CYTH4: variants seen among roughly 807,000 people sequenced by gnomAD.
The protein encoded by CYTH4 is cytohesin 4.
CYTH4 carries 22 observed loss-of-function variants against 57.5 expected under a neutral mutation model. The ratio of observed to expected loss-of-function variants is 0.38; its 90% CI spans 0.27 to 0.55. The LOEUF is 0.55. CYTH4 is among the 20% of genes least tolerant of loss of function. The probability of loss-of-function intolerance (pLI) is 0.74; values close to 1 mark genes in which losing one functional copy is unlikely to be tolerated. For synonymous variants in CYTH4, 186 were observed against 206.5 expected, an observed-to-expected ratio of 0.90 and a Z score of 0.85; for missense variants, 420 against 535.6, an observed-to-expected ratio of 0.78 and a Z score of 2.13.
At chr22:37,285,687 G>C (rs1001966571) in intron 1 of CYTH4, among the ~76,000 whole-genome samples, 4 of 152,060 alleles carry the variant, frequency 2.6e-5, no homozygotes, top group African/African-American at 7.3e-5. Flanking sequence ...CTCCAGCCTG[G>C]GTAACAGACA....
chr22:37,285,570 G>T (rs1024881128), intron 1 of CYTH4, among the ~76,000 whole-genome samples: 7 of 151,982 alleles, frequency 4.6e-5, no homozygotes, highest in Non-Finnish European at 8.8e-5. Context: ...AATTAGCCGG[G>T]CCTGGTGGTG....
rs1374089226 is a variant in CYTH4 at position 37,297,590 on chromosome 22, G to A, written c.261G>A (p.Lys87=). The change falls in exon 5 of 13, where the codon AAG becomes AAA. Residue 87 remains lysine, a synonymous_variant. Transcript: ENST00000248901. ...AKGIQYFIEH[K]LLTPDVQDIA... is the part of the protein sequence containing the mutation. ...GTATCCAGTATTTCATTGAGCACAA[G>A]CTGCTGACCCCTGACGTCCAGGACA... 1 of 1,613,868 alleles carries A rather than the reference G, an allele frequency of 6.2e-7. No homozygotes were observed. The highest frequency in any genetic ancestry group is 1.7e-5 in the Admixed American group (1 of 60,002).
At chr22:37,282,639 A>G in intron 1 of CYTH4, 51 bp downstream of exon 1, 4 of 1,501,764 alleles carry the variant, frequency 2.7e-6, no homozygotes, top group Non-Finnish European at 3.6e-6. Flanking sequence ...CTCTTTTAGA[A>G]TGGGACAGCA....
At position 37,313,594 on chromosome 22, in the gene CYTH4, T is replaced by C; in HGVS notation, c.*83T>C. The C allele has an allele frequency of 1.6e-6, 2 of 1,243,814 alleles. No homozygotes were observed. The highest frequency in any genetic ancestry group is 2.5e-5 in the South Asian group (2 of 81,610). 77.0% of individuals were successfully genotyped at this position (1,243,814 alleles called of 1,614,324 possible). ...CCTGGAGACCCACCTCCCACCCCAGTGCACTCTTTTGGGCCACAGACATCA... is the reference window on the plus strand; with the variant it reads ...CCTGGAGACCCACCTCCCACCCCAGCGCACTCTTTTGGGCCACAGACATCA... On this transcript the variant is annotated 3_prime_UTR_variant, in exon 13 of 13. Transcript: ENST00000248901.
At chr22:37,282,788 C>T (rs532719325) in intron 1 of CYTH4, among the ~76,000 whole-genome samples, 200 bp downstream of exon 1, 8 of 152,192 alleles carry the variant, frequency 5.3e-5, no homozygotes, top group Non-Finnish European at 7.3e-5. Flanking sequence ...GCAAAGCAGA[C>T]GCTGTTTCCC....
At position 37,285,703 on chromosome 22, in the gene CYTH4, A is replaced by G. The variant is rs113443003; in HGVS notation, c.19+3115A>G. ...TCCAGCCTGGGTAACAGACAGAGAC[A>G]TCGTCTCAAACAAACAAACAAACAA... is the stretch of plus-strand genomic sequence containing the variant. On this transcript the variant is annotated intron_variant, in intron 1 of 12. Coordinates refer to ENST00000248901, the MANE Select transcript of CYTH4 (RefSeq NM_013385.5). 3.6e-3 allele frequency among the ~76,000 whole-genome samples: 552 copies of G among 151,862 alleles called. 4 individuals are homozygous for G. Among genetic ancestry groups the G allele is most frequent in the African/African-American group, 0.013 (532 of 41,166 alleles).
At chr22:37,294,821 G>C (rs1374550284) in intron 3 of CYTH4, 97 bp downstream of exon 3, 1 of 1,435,304 alleles carries the variant, frequency 7.0e-7, no homozygotes, top group African/African-American at 1.4e-5. Flanking sequence ...CAGCCCCCTG[G>C]ACCTGGTGAA....
chr22:37,313,451 C>T lies in CYTH4; in HGVS notation c.1125C>T (p.Thr375=). Reference sequence around the variant, plus strand: ...CCACTCATTCTAGAGCCAGCATCACCCGTGTCCCCTTCTACGACCTGGTCT... The same window carrying T: ...CCACTCATTCTAGAGCCAGCATCACTCGTGTCCCCTTCTACGACCTGGTCT... The part of the protein sequence containing the change: ...QWIESIRASI[T]RVPFYDLVST... Residue 375 remains threonine, a synonymous_variant, in exon 13 of 13, where the codon ACC becomes ACT. Coordinates refer to ENST00000248901, the MANE Select transcript of CYTH4 (RefSeq NM_013385.5). 1.2e-6 allele frequency: 2 copies of T among 1,614,164 alleles called. No homozygotes were observed. The highest frequency in any genetic ancestry group is 1.7e-6 in the Non-Finnish European group (2 of 1,179,990).
At chr22:37,290,475 A>AGG (rs1928710621) in intron 1 of CYTH4, among the ~76,000 whole-genome samples, 1 of 152,074 alleles carries the variant, frequency 6.6e-6, no homozygotes, top group African/African-American at 2.4e-5. Flanking sequence ...TCCTGAAACC[A>AGG]GGCAAGGGGT....
rs569017693 is a variant in CYTH4 at position 37,311,321 on chromosome 22, T to C, written c.886-135T>C. 9.2e-5 allele frequency: 76 copies of C among 823,062 alleles called. 1 individual carries two copies. In the South Asian group the frequency reaches 1.1e-3, roughly 12 times the overall value. The allele number at this position is 823,062 out of a possible 1,614,324, so 51.0% of individuals were successfully genotyped here. The stretch of plus-strand genomic sequence containing the variant: ...CTTCACATGCTGCTTCTAACTTCCG[T>C]CCCCCTATGACTGGACAGTCTCGGA... On this transcript the variant is annotated intron_variant, in intron 10 of 12. Transcript: ENST00000248901. The surrounding 1 kb of genome is among the most constrained non-coding windows in gnomAD (Gnocchi z 4.4).
chr22:37,290,491 G>GT lies in CYTH4; in HGVS notation c.20-2123dup, dbSNP rs199868807. 6.1e-3 allele frequency among the ~76,000 whole-genome samples: 931 copies of GT among 152,028 alleles called. 10 individuals carry two copies. Among genetic ancestry groups the GT allele is most frequent in the African/African-American group, 0.022 (900 of 41,478 alleles). On this transcript the variant is annotated intron_variant, in intron 1 of 12. Coordinates refer to ENST00000248901, the MANE Select transcript of CYTH4 (RefSeq NM_013385.5). ...CCTGAAACCAGGCAAGGGGTCTTGG[G>GT]TTTTTTTGTTTGTTTTGTTTTGTTT... is the stretch of plus-strand genomic sequence containing the variant.
intron 1 of CYTH4, among the ~76,000 whole-genome samples, chr22:37,288,169 C>T (rs976995805): frequency 6.6e-6 from 1 of 152,148 alleles, no homozygotes; most frequent in African/African-American, 2.4e-5. Flanking sequence ...AATCTCAGCA[C>T]TTTGGGAGGC....
chr22:37,299,043 G>C (rs1342722761), intron 5 of CYTH4, among the ~76,000 whole-genome samples, 183 bp from the exon 6 acceptor site: 1 of 152,152 alleles, frequency 6.6e-6, no homozygotes, highest in Non-Finnish European at 1.5e-5. Context: ...CTGCATGGGA[G>C]GACAAGGGTG....
At chr22:37,304,019 A>G (rs1929300170) in intron 8 of CYTH4, among the ~76,000 whole-genome samples, 1 of 152,172 alleles carries the variant, frequency 6.6e-6, no homozygotes, top group Non-Finnish European at 1.5e-5. Context: ...TGTGAATCAC[A>G]AGGCTGCATG....
chr22:37,288,819 T>C (rs1928646549), intron 1 of CYTH4, among the ~76,000 whole-genome samples: 2 of 152,208 alleles, frequency 1.3e-5, no homozygotes, highest in South Asian at 4.1e-4. Context: ...GCCCCATGGC[T>C]CCATTCCATC....
intron 1 of CYTH4, among the ~76,000 whole-genome samples, chr22:37,284,705 G>A (rs906067943): frequency 6.6e-6 from 1 of 152,036 alleles, no homozygotes; most frequent in Admixed American, 6.6e-5. Flanking sequence ...TCCTTCTATG[G>A]GCCTCAGTTT....
rs1254605854 is a variant in CYTH4, at chr22:37,313,446, A to G, written c.1120A>G (p.Ile374Val). ...TCCTCCCACTCATTCTAGAGCCAGC[A>G]TCACCCGTGTCCCCTTCTACGACCT... ...DQWIESIRAS[I>V]TRVPFYDLVS... Residue 374 changes from isoleucine (I) to valine (V), a missense_variant, in exon 13 of 13, where the codon ATC (isoleucine) becomes GTC (valine). By Grantham distance (29) the Ile-to-Val change is conservative. Coordinates refer to ENST00000248901, the MANE Select transcript of CYTH4 (RefSeq NM_013385.5). 6 of 1,613,986 alleles carry G rather than the reference A, an allele frequency of 3.7e-6. No homozygotes were observed. The African/African-American group carries it at 6.7e-5, about 18-fold the overall frequency.
In CYTH4 at chr22:37,289,175, G is replaced by A. The variant is rs1031111380; in HGVS notation, c.20-3446G>A. 5.3e-5 allele frequency among the ~76,000 whole-genome samples: 8 copies of A among 152,288 alleles called. No homozygotes were observed. In the South Asian group the frequency reaches 1.0e-3, roughly 20 times the overall value. On this transcript the variant is annotated intron_variant, in intron 1 of 12. Transcript: ENST00000248901. ...CTGTTGCTGGCAGAGTGGACATTCC[G>A]CTCCCACGGGGTCATCCACCTGCCT... is the stretch of plus-strand genomic sequence containing the variant.
chr22:37,285,350 T>TGTGGTG (rs147807027), intron 1 of CYTH4, among the ~76,000 whole-genome samples: 92 of 151,496 alleles, frequency 6.1e-4, no homozygotes, highest in African/African-American at 2.1e-3. Flanking sequence ...AAACGGGGTG[T>TGTGGTG]GTGGTGGTGG....
Sources: allele counts gnomAD v4.1 joint callset (sites outside exome capture counted in the v4.1 genomes callset), GRCh38; gene constraint gnomAD v4.1.1; non-coding constraint Gnocchi (gnomAD v3.1); transcripts MANE v1.5; gene names NCBI Gene and HGNC (gene_info 2026-07-23, HGNC 2026-07-21).